ATG7: variants seen among roughly 807,000 people sequenced by gnomAD.
The protein encoded by ATG7 is ubiquitin-like modifier-activating enzyme ATG7.
ATG7 carries 70 observed loss-of-function variants against 82.4 expected under a neutral mutation model. The observed-to-expected ratio is 0.85, with a 90% CI of 0.70 to 1.04. ATG7 has a LOEUF of 1.04. Ranked by LOEUF, ATG7 falls within the 50% of genes least tolerant of loss-of-function variation. The probability of loss-of-function intolerance (pLI) is 0.00; values close to 1 mark genes in which losing one functional copy is unlikely to be tolerated. For synonymous variants in ATG7, 287 were observed against 313.0 expected, an observed-to-expected ratio of 0.92 and a Z score of 0.88; for missense variants, 792 against 864.3, an observed-to-expected ratio of 0.92 and a Z score of 1.05.
intron 20 of ATG7, among the ~76,000 whole-genome samples, chr3:11,545,643 CG>C (rs2071215667): frequency 6.6e-6 from 1 of 151,948 alleles, no homozygotes; most frequent in African/African-American, 2.4e-5. Flanking sequence ...CTCTGGGCCT[CG>C]GGGCTGTGCT....
intron 18 of ATG7, among the ~76,000 whole-genome samples, chr3:11,377,324 AAAAT>A (rs1559498840): frequency 6.6e-6 from 1 of 152,190 alleles, no homozygotes; most frequent in Non-Finnish European, 1.5e-5. Context: ...ATTTTCTGGG[AAAAT>A]AAATCTGTTT....
At chr3:11,340,375 G>A (rs1361856081) in intron 11 of ATG7, among the ~76,000 whole-genome samples, 1 of 151,780 alleles carries the variant, frequency 6.6e-6, no homozygotes, top group Non-Finnish European at 1.5e-5. Context: ...CCAGAGTTGA[G>A]GGCTATTTCA....
chr3:11,297,325 T>C (rs985356552), intron 3 of ATG7, among the ~76,000 whole-genome samples: 1 of 152,196 alleles, frequency 6.6e-6, no homozygotes, highest in African/African-American at 2.4e-5. Context: ...GCCACTGTAC[T>C]GTAGCCTGGG....
chr3:11,534,638 G>A (rs73021345), intron 20 of ATG7, among the ~76,000 whole-genome samples: 12,077 of 152,322 alleles, frequency 0.079, 651 homozygotes, highest in Non-Finnish European at 0.12. Context: ...GCCACACGCC[G>A]TCTGTTAGCA....
At chr3:11,299,261 C>T in intron 4 of ATG7, 101 bp from the exon 5 acceptor site, 1 of 1,207,100 alleles carries the variant, frequency 8.3e-7, no homozygotes. Context: ...GATGGGGCGC[C>T]TTGGGCTCAA....
At position 11,555,615 on chromosome 3, in the gene ATG7, C is replaced by T. The variant is rs1005714032; in HGVS notation, c.*772C>T. ...GCTCCTCCCTGCCCTTATGAGCAGG[C>T]CAGGCCCAGAAAGGCCGAGCCTGGG... On this transcript the variant is annotated 3_prime_UTR_variant, in exon 21 of 21. Coordinates refer to ENST00000693202, the MANE Select transcript of ATG7 (RefSeq NM_001349232.2). 1.3e-5 allele frequency: 2 copies of T among 152,148 alleles called. No individual in the cohort carries two copies. The highest frequency in any genetic ancestry group is 2.4e-5 in the African/African-American group (1 of 41,390). 9.4% of individuals were successfully genotyped at this position (152,148 alleles called of 1,614,324 possible).
rs1405608742 is a variant in ATG7 at position 11,282,307 on chromosome 3, T to G, written c.-142T>G. 1.3e-5 allele frequency: 2 copies of G among 152,052 alleles called. No individual in the cohort carries two copies. Among genetic ancestry groups the G allele is most frequent in the Admixed American group, 6.5e-5 (1 of 15,268 alleles). The allele number at this position is 152,052 out of a possible 1,614,324, so 9.4% of individuals were successfully genotyped here. Reference sequence around the variant, plus strand: ...ATATTATAGCAGAAGGAAACCAAAATAAAAGAAAAACAGCTCCTGGAAGTA... The same window carrying G: ...ATATTATAGCAGAAGGAAACCAAAAGAAAAGAAAAACAGCTCCTGGAAGTA... On this transcript the variant is annotated 5_prime_UTR_variant, in exon 3 of 21. Transcript: ENST00000693202.
intron 20 of ATG7, among the ~76,000 whole-genome samples, chr3:11,482,106 G>A (rs1318587776): frequency 1.3e-5 from 2 of 152,198 alleles, no homozygotes; most frequent in Non-Finnish European, 2.9e-5. Flanking sequence ...TGATGCCCCG[G>A]TTCCTTCTCT....
chr3:11,284,007 C>A (rs1430838905), intron 3 of ATG7, among the ~76,000 whole-genome samples: 5 of 152,140 alleles, frequency 3.3e-5, no homozygotes, highest in Non-Finnish European at 2.9e-5. Flanking sequence ...ACAGAAAAAT[C>A]AGAGTGTGAT....
chr3:11,306,830 C>A (rs1947828898), intron 5 of ATG7, 113 bp from the exon 6 acceptor site: 2 of 752,126 alleles, frequency 2.7e-6, no homozygotes, highest in Non-Finnish European at 4.6e-6. Context: ...AGTTAATCTT[C>A]TGTTTGCCCT....
rs370026914 is a variant in ATG7, at chr3:11,317,584, C to CTTTTT, written c.678+2107_678+2111dup. On this transcript the variant is annotated intron_variant, in intron 9 of 20. Coordinates refer to ENST00000693202, the MANE Select transcript of ATG7 (RefSeq NM_001349232.2). ...CGAAGCCTATGCCCTTTCTTTCTTT[C>CTTTTT]TTTTTTTTTTTTTTTTTTTTGTTTT... is the stretch of plus-strand genomic sequence containing the variant. Among the ~76,000 whole-genome samples, 413 of 114,370 alleles carry CTTTTT rather than the reference C, an allele frequency of 3.6e-3. 3 individuals carry two copies. Among genetic ancestry groups the CTTTTT allele is most frequent in the Middle Eastern group, 0.015 (3 of 200 alleles). The allele number at this position is 114,370 out of a possible 152,430, so 75.0% of individuals were successfully genotyped here. A position where few individuals can be genotyped will look rare whatever the true frequency, so the allele number is the denominator to read the frequency against.
At chr3:11,370,514 T>A (rs948606985) in intron 18 of ATG7, among the ~76,000 whole-genome samples, 1 of 151,272 alleles carries the variant, frequency 6.6e-6, no homozygotes, top group African/African-American at 2.4e-5. Context: ...AGTTTTTATT[T>A]ATGCGAACTC....
chr3:11,495,099 A>G (rs73021317), intron 20 of ATG7, among the ~76,000 whole-genome samples: 2,169 of 152,182 alleles, frequency 0.014, 27 homozygotes, highest in South Asian at 0.022. Flanking sequence ...AGGCTTGAAC[A>G]GATGTTCTCT....
chr3:11,502,633 A>G (rs2091426778), intron 20 of ATG7, among the ~76,000 whole-genome samples: 2 of 151,822 alleles, frequency 1.3e-5, no homozygotes, highest in Non-Finnish European at 2.9e-5. Context: ...ATTGTTGGAC[A>G]TTTGGGTTGG....
chr3:11,518,950 A>G (rs1233934111), intron 20 of ATG7, among the ~76,000 whole-genome samples: 2 of 152,312 alleles, frequency 1.3e-5, no homozygotes, highest in African/African-American at 2.4e-5. Flanking sequence ...CAGCTCTGCA[A>G]TTCTAGCCTA....
intron 1 of ATG7, among the ~76,000 whole-genome samples, chr3:11,276,225 T>C (rs1941764943): frequency 6.6e-6 from 1 of 152,220 alleles, no homozygotes; most frequent in African/African-American, 2.4e-5. Flanking sequence ...CTTCCTCTTC[T>C]ATCCTTTACC....
At chr3:11,463,681 T>C (rs995456256) in intron 20 of ATG7, among the ~76,000 whole-genome samples, 3 of 152,254 alleles carry the variant, frequency 2.0e-5, no homozygotes, top group Non-Finnish European at 4.4e-5. Flanking sequence ...TCTACAGTTC[T>C]GATAGGAACA....
intron 20 of ATG7, among the ~76,000 whole-genome samples, chr3:11,436,912 G>A (rs1457264438): frequency 6.6e-6 from 1 of 152,164 alleles, no homozygotes; most frequent in Non-Finnish European, 1.5e-5. Context: ...TGGGGATGGG[G>A]GATTAAGGGA....
chr3:11,366,355 C>A (rs2152820988), intron 18 of ATG7, among the ~76,000 whole-genome samples: 1 of 152,166 alleles, frequency 6.6e-6, no homozygotes, highest in Middle Eastern at 3.4e-3. Context: ...CCACAAAACA[C>A]TATGAAAATG....
Sources: gnomAD v4.1 joint callset for allele counts (sites outside exome capture counted in the v4.1 genomes callset) on GRCh38, gnomAD v4.1.1 for gene constraint, MANE v1.5 for transcripts, NCBI Gene and HGNC (gene_info 2026-07-23, HGNC 2026-07-21) for gene names.